Variants in ABTB3 observed in about 807,000 individuals in gnomAD.
ABTB3 encodes ankyrin repeat- and BTB/POZ domain-containing protein 3.
the ABTB3 span, among the ~76,000 whole-genome samples, chr12:107,331,510 T>G: frequency 6.6e-6 from 1 of 152,158 alleles, no homozygotes; most frequent in Non-Finnish European, 1.5e-5. Flanking sequence ...TCCTTGGGCT[T>G]CCGGGGGGAC....
chr12:107,533,463 CA>C, the ABTB3 span, among the ~76,000 whole-genome samples: 1 of 151,946 alleles, frequency 6.6e-6, no homozygotes, highest in Non-Finnish European at 1.5e-5. Flanking sequence ...CAAAAGCATA[CA>C]ACAGTAGCTA....
At chr12:107,446,786 A>T in the ABTB3 span, among the ~76,000 whole-genome samples, 1 of 152,188 alleles carries the variant, frequency 6.6e-6, no homozygotes, top group African/African-American at 2.4e-5. Context: ...CTGTACCCAG[A>T]TCCCAGCTGT....
At chr12:107,646,305 A>G in the ABTB3 span, among the ~76,000 whole-genome samples, 1 of 152,212 alleles carries the variant, frequency 6.6e-6, no homozygotes, top group Non-Finnish European at 1.5e-5. Flanking sequence ...TTTAAATTCC[A>G]TTAGCCCCGG....
the ABTB3 span, among the ~76,000 whole-genome samples, chr12:107,488,387 GA>G: frequency 6.6e-6 from 1 of 151,538 alleles, no homozygotes; most frequent in East Asian, 1.9e-4. Flanking sequence ...GCTTTCAAAA[GA>G]AAAAAAAGTG....
chr12:107,376,624 T>C, the ABTB3 span, among the ~76,000 whole-genome samples: 4 of 152,214 alleles, frequency 2.6e-5, no homozygotes, highest in African/African-American at 7.2e-5. Flanking sequence ...CTGTGACCCT[T>C]AAAAGACCTG....
the ABTB3 span, among the ~76,000 whole-genome samples, chr12:107,479,851 T>C: frequency 8.5e-5 from 13 of 152,158 alleles, no homozygotes; most frequent in Non-Finnish European, 1.8e-4. Flanking sequence ...GTAGGCACTA[T>C]GATTAGCCCC....
At chr12:107,503,721 C>T in the ABTB3 span, among the ~76,000 whole-genome samples, 1 of 139,012 alleles carries the variant, frequency 7.2e-6, no homozygotes, top group Non-Finnish European at 1.5e-5. Context: ...TGCGCCACTG[C>T]CCTCCAGCCT....
the ABTB3 span, among the ~76,000 whole-genome samples, chr12:107,354,283 G>A: frequency 2.6e-5 from 4 of 152,046 alleles, no homozygotes; most frequent in Admixed American, 2.0e-4. Flanking sequence ...ACAAATCAAT[G>A]GTTTTCAGTA....
the ABTB3 span, among the ~76,000 whole-genome samples, chr12:107,639,830 A>T: frequency 6.6e-6 from 1 of 152,228 alleles, no homozygotes; most frequent in Admixed American, 6.5e-5. Context: ...AGTGCTCAGT[A>T]AGTAGTAGCT....
At chr12:107,443,757 A>C in the ABTB3 span, among the ~76,000 whole-genome samples, 2 of 152,104 alleles carry the variant, frequency 1.3e-5, no homozygotes, top group African/African-American at 4.8e-5. Context: ...AATAGGTCTG[A>C]GAGGAGGTGG....
At chr12:107,429,386 C>T in the ABTB3 span, among the ~76,000 whole-genome samples, 2 of 152,226 alleles carry the variant, frequency 1.3e-5, no homozygotes, top group Non-Finnish European at 2.9e-5. Context: ...CACACTTCTC[C>T]ACCCCTGTCA....
the ABTB3 span, among the ~76,000 whole-genome samples, chr12:107,382,504 AT>A: frequency 1.3e-5 from 2 of 152,172 alleles, no homozygotes; most frequent in African/African-American, 4.8e-5. Flanking sequence ...TTGCACATTG[AT>A]TTTGTATCCT....
At chr12:107,643,786 G>A in the ABTB3 span, among the ~76,000 whole-genome samples, 1 of 140,836 alleles carries the variant, frequency 7.1e-6, no homozygotes, top group East Asian at 2.0e-4. Flanking sequence ...GAGAGAGAGA[G>A]AGGGTCTGGC....
chr12:107,549,006 G>A, the ABTB3 span, among the ~76,000 whole-genome samples: 7 of 152,194 alleles, frequency 4.6e-5, no homozygotes, highest in Non-Finnish European at 8.8e-5. Flanking sequence ...AAGTAGTTCT[G>A]CCCTCTTCCA....
At chr12:107,580,965 C>G in the ABTB3 span, 1 of 1,551,670 alleles carries the variant, frequency 6.4e-7, no homozygotes, top group Non-Finnish European at 8.7e-7. Context: ...CCGGTGCGGT[C>G]CGGATGTCTC....
the ABTB3 span, among the ~76,000 whole-genome samples, chr12:107,415,432 G>A: frequency 6.6e-6 from 1 of 152,094 alleles, no homozygotes; most frequent in Non-Finnish European, 1.5e-5. Flanking sequence ...AACTGGGCTG[G>A]GCGTGGTGGC....
the ABTB3 span, chr12:107,635,293 G>T: frequency 6.2e-7 from 1 of 1,613,290 alleles, no homozygotes; most frequent in Non-Finnish European, 8.5e-7. Flanking sequence ...AGAATGAAGT[G>T]ATCAGCCAGC....
At chr12:107,449,486 G>T in the ABTB3 span, among the ~76,000 whole-genome samples, 13 of 152,220 alleles carry the variant, frequency 8.5e-5, no homozygotes, top group Admixed American at 1.3e-4. Context: ...CAGGAGGAAG[G>T]TTCCCCTGCC....
chr12:107,518,182 C>A, the ABTB3 span, among the ~76,000 whole-genome samples: 1 of 152,102 alleles, frequency 6.6e-6, no homozygotes, highest in Non-Finnish European at 1.5e-5. Context: ...ACTAGTTCAA[C>A]CATTGTGGAA....
Sources: gnomAD v4.1 joint callset for allele counts (sites outside exome capture counted in the v4.1 genomes callset) on GRCh38, gnomAD v4.1.1 for gene constraint, MANE v1.5 for transcripts, NCBI Gene and HGNC (gene_info 2026-07-23, HGNC 2026-07-21) for gene names.